Variants in ATP10A observed in about 807,000 individuals in gnomAD.
ATP10A encodes the protein ATPase phospholipid transporting 10A (putative).
A neutral mutation model predicts 147.8 loss-of-function variants in ATP10A; 111 were observed. The ratio of observed to expected loss-of-function variants is 0.75; its 90% CI spans 0.64 to 0.88. ATP10A has a LOEUF of 0.88. Among genes scored for constraint, ATP10A ranks in the 40% least tolerant of loss-of-function variants. ATP10A has a pLI of 0.00. For missense variants in ATP10A, 1,927 were observed against 1,959.0 expected, an observed-to-expected ratio of 0.98 and a Z score of 0.31; for synonymous variants, 875 against 841.6, an observed-to-expected ratio of 1.04 and a Z score of -0.69.
At chr15:25,759,864 G>A (rs1480787805) in intron 2 of ATP10A, among the ~76,000 whole-genome samples, 2 of 151,382 alleles carry the variant, frequency 1.3e-5, no homozygotes, top group African/African-American at 4.8e-5. Context: ...CTAGGAAACT[G>A]ATTCTATGTT....
At chr15:25,791,072 C>T (rs1890397755) in intron 1 of ATP10A, among the ~76,000 whole-genome samples, 1 of 151,390 alleles carries the variant, frequency 6.6e-6, no homozygotes, top group African/African-American at 2.4e-5. Context: ...TTTTTAAAAC[C>T]TCCCTGCAAG....
intron 2 of ATP10A, among the ~76,000 whole-genome samples, chr15:25,737,817 G>A (rs1365205813): frequency 1.3e-5 from 2 of 152,036 alleles, no homozygotes; most frequent in South Asian, 2.1e-4. Context: ...CATGACTGGC[G>A]GCCTTATACA....
intron 1 of ATP10A, among the ~76,000 whole-genome samples, chr15:25,840,886 CCT>C (rs1411027048): frequency 6.6e-6 from 1 of 152,056 alleles, no homozygotes; most frequent in Non-Finnish European, 1.5e-5. Context: ...TTTGCATTTC[CCT>C]GTTTTGTAAA....
At chr15:25,690,574 G>C (rs759096372) in intron 15 of ATP10A, among the ~76,000 whole-genome samples, 1 of 152,238 alleles carries the variant, frequency 6.6e-6, no homozygotes, top group South Asian at 2.1e-4. Context: ...AGGCTATGTG[G>C]TTCATCTGCA....
At chr15:25,792,729 T>C (rs1364374214) in intron 1 of ATP10A, among the ~76,000 whole-genome samples, 1 of 152,102 alleles carries the variant, frequency 6.6e-6, no homozygotes, top group Non-Finnish European at 1.5e-5. Flanking sequence ...TCCAGGAGAC[T>C]TGTTTGGAAT....
intron 13 of ATP10A, among the ~76,000 whole-genome samples, chr15:25,695,717 C>T (rs936569879): frequency 2.6e-5 from 4 of 152,170 alleles, no homozygotes; most frequent in African/African-American, 9.7e-5. Flanking sequence ...GGACCATCTT[C>T]ACTTTGGGAG....
At chr15:25,779,353 G>A (rs932580899) in intron 2 of ATP10A, among the ~76,000 whole-genome samples, 2 of 152,218 alleles carry the variant, frequency 1.3e-5, no homozygotes, top group Admixed American at 1.3e-4. Context: ...CTCACCCTCT[G>A]TGTGCACAGG....
chr15:25,834,805 A>G (rs1892520023), intron 1 of ATP10A, among the ~76,000 whole-genome samples: 1 of 152,254 alleles, frequency 6.6e-6, no homozygotes, highest in Non-Finnish European at 1.5e-5. Flanking sequence ...AAGTACTGAT[A>G]CAGGCTACAA....
chr15:25,750,799 A>G (rs1888118018), intron 2 of ATP10A, among the ~76,000 whole-genome samples: 1 of 152,220 alleles, frequency 6.6e-6, no homozygotes, highest in South Asian at 2.1e-4. Flanking sequence ...TTCCTTTACT[A>G]TATGTGAACT....
chr15:25,693,833 G>A (rs1359376314), intron 14 of ATP10A, among the ~76,000 whole-genome samples: 1 of 152,212 alleles, frequency 6.6e-6, no homozygotes, highest in Admixed American at 6.5e-5. Context: ...TGTAACCCAG[G>A]CTCAACAGCG....
chr15:25,718,886 C>T (rs947667761), intron 7 of ATP10A, among the ~76,000 whole-genome samples: 13 of 152,208 alleles, frequency 8.5e-5, no homozygotes, highest in Admixed American at 3.3e-4. Context: ...CAGGGGGGCT[C>T]ACACTCCCAG....
chr15:25,687,805 T>C lies in ATP10A; in HGVS notation c.3189A>G (p.Ala1063=), dbSNP rs1307081385. 6.2e-7 allele frequency: 1 copy of C among 1,613,946 alleles called. No individual in the cohort carries two copies. The highest frequency in any genetic ancestry group is 8.5e-7 in the Non-Finnish European group (1 of 1,179,898). The change falls in exon 16 of 21, where the codon GCA becomes GCG. Residue 1063 remains alanine (A), a synonymous_variant. Transcript: ENST00000555815. ...TCTCCAGGTATCGGAATTTCGGCACTGCAAAGTCGCTGGCCATCACTGCCT... is the reference window on the plus strand; with the variant it reads ...TCTCCAGGTATCGGAATTTCGGCACCGCAAAGTCGCTGGCCATCACTGCCT... The part of the protein sequence containing the change: ...GMQAVMASDF[A]VPKFRYLERL...
chr15:25,817,654 C>A (rs1891720804), intron 1 of ATP10A, among the ~76,000 whole-genome samples: 1 of 152,184 alleles, frequency 6.6e-6, no homozygotes, highest in African/African-American at 2.4e-5. Context: ...CTAGTCTACT[C>A]TGATTATAGC....
At chr15:25,761,950 G>A (rs1191190726) in intron 2 of ATP10A, among the ~76,000 whole-genome samples, 3 of 152,152 alleles carry the variant, frequency 2.0e-5, no homozygotes, top group South Asian at 4.1e-4. Context: ...GGGTAGGGTG[G>A]AATGATATGG....
intron 12 of ATP10A, among the ~76,000 whole-genome samples, chr15:25,706,562 T>C (rs1435873468): frequency 6.6e-6 from 1 of 152,182 alleles, no homozygotes; most frequent in African/African-American, 2.4e-5. Context: ...GCTGGACAAC[T>C]GAGTCAGGGC....
intron 2 of ATP10A, among the ~76,000 whole-genome samples, chr15:25,741,985 C>T (rs1887602073): frequency 1.3e-5 from 2 of 152,170 alleles, no homozygotes; most frequent in Admixed American, 6.5e-5. Flanking sequence ...GTTAATGCCC[C>T]GTGACAAATA....
At chr15:25,795,047 T>C (rs2317395) in intron 1 of ATP10A, among the ~76,000 whole-genome samples, 149,077 of 152,306 alleles carry the variant, frequency 0.98, 73,062 homozygotes, top group East Asian at 1. Flanking sequence ...TGCTGAGAAA[T>C]GGGCATTGCT....
In ATP10A at chr15:25,777,409, T is replaced by C. The variant is rs558007122; in HGVS notation, c.654+3610A>G. Reference sequence around the variant, plus strand: ...CTTATGCTTGGCACCTCCCTGGCAATAGCCTCCCCGGTCCCCAAGGGAAGG... The same window carrying C: ...CTTATGCTTGGCACCTCCCTGGCAACAGCCTCCCCGGTCCCCAAGGGAAGG... On this transcript the variant is annotated intron_variant, in intron 2 of 20. Transcript: ENST00000555815. Among the ~76,000 whole-genome samples, 5 of 152,128 alleles carry C rather than the reference T, an allele frequency of 3.3e-5. No individual in the cohort carries two copies. In the South Asian group the frequency reaches 1.0e-3, roughly 32 times the overall value.
intron 1 of ATP10A, among the ~76,000 whole-genome samples, chr15:25,858,346 A>C (rs1893607685): frequency 6.6e-6 from 1 of 152,070 alleles, no homozygotes; most frequent in Admixed American, 6.6e-5. Context: ...TTGCATTAAG[A>C]GGGAGGGATG....
Sources: gnomAD v4.1 joint callset for allele counts (sites outside exome capture counted in the v4.1 genomes callset) on GRCh38, gnomAD v4.1.1 for gene constraint, MANE v1.5 for transcripts, NCBI Gene and HGNC (gene_info 2026-07-23, HGNC 2026-07-21) for gene names.